PAQR9: variants seen among roughly 807,000 people sequenced by gnomAD.
PAQR9 encodes the protein progestin and adipoQ receptor family member 9, also known as membrane progestin receptor epsilon.
In PAQR9, 12 loss-of-function variants were observed where a neutral mutation model predicts 24.0. That is an observed-to-expected ratio of 0.50 (90% CI 0.32 to 0.81). PAQR9 has a LOEUF of 0.81. Among genes scored for constraint, PAQR9 ranks in the 30% least tolerant of loss-of-function variants. The pLI is 0.03. For missense variants in PAQR9, 418 were observed against 520.8 expected (o/e 0.80, Z 1.92); for synonymous variants, 266 against 237.6 (o/e 1.12, Z -1.10).
rs1459213070 is a variant in PAQR9 at position 142,963,339 on chromosome 3, T to C, written c.-3A>G. ...CGGGGCTGCAGGCGCCGCGGCATGG[T>C]GCCCGGGGCTCGGCTAGGGCGCGCG... On this transcript the variant is annotated 5_prime_UTR_variant, in exon 1 of 1. Transcript: ENST00000340634. The C allele has an allele frequency of 4.4e-5, 59 of 1,336,098 alleles. No individual in the cohort carries two copies. Among genetic ancestry groups the C allele is most frequent in the Non-Finnish European group, 5.1e-5 (54 of 1,049,874 alleles). 82.8% of individuals were successfully genotyped at this position (1,336,098 alleles called of 1,614,324 possible). A position where few individuals can be genotyped will look rare whatever the true frequency, so the allele number is the denominator to read the frequency against.
At chr3:142,952,790 C>G (rs1404619064), downstream of PAQR9, 2 of 456,726 alleles carry the variant, frequency 4.4e-6, no homozygotes, top group Admixed American at 4.7e-5. Context: ...GGAAAACTTA[C>G]CTGCCTTCTG....
In PAQR9 at chr3:142,961,191, TA is replaced by T. The variant is rs1934882905; in HGVS notation, c.*1011del. On this transcript the variant is annotated 3_prime_UTR_variant, in exon 1 of 1. Transcript: ENST00000340634. The stretch of plus-strand genomic sequence containing the variant: ...TCAGGTAAGAAAAGCTTATTCTTAC[TA>T]CTCTCCCCATGTAAGAAACTGTGTT... 6.6e-6 allele frequency: 1 copy of T among 152,660 alleles called. No homozygotes were observed. Among genetic ancestry groups the T allele is most frequent in the Non-Finnish European group, 1.5e-5 (1 of 68,048 alleles). 9.5% of individuals were successfully genotyped at this position (152,660 alleles called of 1,614,324 possible).
downstream of PAQR9, among the ~76,000 whole-genome samples, chr3:142,954,380 T>G (rs528900598): frequency 2.6e-5 from 4 of 152,384 alleles, no homozygotes; most frequent in East Asian, 7.7e-4. Context: ...TTTTAATTTA[T>G]CTAATATGAT....
upstream of PAQR9, chr3:142,963,689 G>A (rs1411708752): frequency 3.0e-6 from 2 of 657,606 alleles, no homozygotes; most frequent in Non-Finnish European, 3.8e-6. Context: ...ATCGCGCGGT[G>A]CGGGTGCCTC....
At chr3:142,950,587 GA>G (rs1290391016), downstream of PAQR9, 11 of 437,960 alleles carry the variant, frequency 2.5e-5, no homozygotes, top group Admixed American at 5.1e-5. Context: ...CTTAAGGTGG[GA>G]AAAAGGAACA....
downstream of PAQR9, among the ~76,000 whole-genome samples, chr3:142,953,116 T>A (rs1578077733): frequency 6.6e-6 from 1 of 152,168 alleles, no homozygotes; most frequent in African/African-American, 2.4e-5. Flanking sequence ...CAGGGGGTGA[T>A]GGCTGCCGTA....
downstream of PAQR9, chr3:142,952,802 T>C: frequency 2.2e-6 from 1 of 456,762 alleles, no homozygotes. Context: ...TGCCTTCTGC[T>C]GCTTTTTGTT....
At position 142,962,652 on chromosome 3, in the gene PAQR9, A is replaced by C; in HGVS notation, c.685T>G (p.Cys229Gly). The C allele has an allele frequency of 6.2e-7, 1 of 1,611,322 alleles. No individual in the cohort carries two copies. The highest frequency in any genetic ancestry group is 8.5e-7 in the Non-Finnish European group (1 of 1,178,986). The change falls in exon 1 of 1, where the codon TGC becomes GGC. Residue 229 changes from cysteine to glycine, a missense_variant. Around this residue, in one of 3 missense-constraint regions of PAQR9, gnomAD observed 230 missense variants for 305.2 expected, o/e 0.75. Transcript: ENST00000340634. Reference protein sequence around the residue: ...VLAVACTVACCKSRTDWCTYP... With the variant: ...VLAVACTVACGKSRTDWCTYP... The stretch of plus-strand genomic sequence containing the variant: ...GTACACCAGTCGGTACGGCTCTTGC[A>C]GCAGGCCACAGTGCAAGCCACCGCC...
exon 3 of PAQR9, chr3:142,949,398 C>T (rs1312401962): frequency 6.6e-6 from 1 of 152,208 alleles, no homozygotes; most frequent in African/African-American, 2.4e-5. Context: ...TCACTCAGGT[C>T]ATCCTGAAGT....
downstream of PAQR9, chr3:142,950,045 T>C (rs1448145222): frequency 6.6e-6 from 1 of 152,262 alleles, no homozygotes; most frequent in African/African-American, 2.4e-5. Flanking sequence ...CTAGCATTTA[T>C]GCTTGATTTT....
At position 142,962,729 on chromosome 3, in the gene PAQR9, G is replaced by A. The variant is rs1451275285; in HGVS notation, c.608C>T (p.Thr203Met). 1.2e-6 allele frequency: 2 copies of A among 1,612,502 alleles called. No homozygotes were observed. Among genetic ancestry groups the A allele is most frequent in the Non-Finnish European group, 1.7e-6 (2 of 1,179,670 alleles). ...GGCGCGGTAGGCGGCGATAAGGCGCGTGCAGTCCACGTGCCAGCCCAGGCG... is the reference window on the plus strand; with the variant it reads ...GGCGCGGTAGGCGGCGATAAGGCGCATGCAGTCCACGTGCCAGCCCAGGCG... The part of the protein sequence containing the change: ...QQRLGWHVDC[T>M]RLIAAYRALV... The change falls in exon 1 of 1, where the codon ACG becomes ATG. Residue 203 changes from threonine to methionine, a missense_variant. Around this residue, in one of 3 missense-constraint regions of PAQR9, gnomAD observed 230 missense variants for 305.2 expected, o/e 0.75. Transcript: ENST00000340634.
rs560163441 is a variant in PAQR9 at position 142,963,157 on chromosome 3, C to T, written c.180G>A (p.Leu60=). ...VPDDFVECFI[L]SGYRRLPCTA... ...TGCACGGCAGACGCCGGTAGCCCGACAGGATGAAGCACTCCACGAAGTCGT... is the reference window on the plus strand; with the variant it reads ...TGCACGGCAGACGCCGGTAGCCCGATAGGATGAAGCACTCCACGAAGTCGT... The change falls in exon 1 of 1, where the codon CTG becomes CTA. Residue 60 remains leucine (L), a synonymous_variant. Coordinates refer to ENST00000340634, the MANE Select transcript of PAQR9 (RefSeq NM_198504.4). 8.5e-4 allele frequency: 1,362 copies of T among 1,603,424 alleles called. 23 individuals are homozygous for T. In the South Asian group the frequency reaches 0.014, roughly 17 times the overall value.
In PAQR9 at chr3:142,963,576, G is replaced by A. The variant is rs1431168756; in HGVS notation, c.-240C>T. The A allele has an allele frequency of 4.3e-6, 4 of 936,108 alleles. No individual in the cohort carries two copies. Among genetic ancestry groups the A allele is most frequent in the African/African-American group, 1.8e-5 (1 of 55,920 alleles). The allele number at this position is 936,108 out of a possible 1,614,324, so 58.0% of individuals were successfully genotyped here. Reference sequence around the variant, plus strand: ...GAGCGCGGAGCGCGCGAGGCTCAGCGGCTTCCTCGCCAAGCCCCTGCTACC... The same window carrying A: ...GAGCGCGGAGCGCGCGAGGCTCAGCAGCTTCCTCGCCAAGCCCCTGCTACC... On this transcript the variant is annotated 5_prime_UTR_variant, in exon 1 of 1. Transcript: ENST00000340634.
downstream of PAQR9, chr3:142,951,522 G>A (rs1171993373): frequency 2.8e-6 from 1 of 356,336 alleles, no homozygotes; most frequent in Non-Finnish European, 5.5e-6. Context: ...TGATATATCA[G>A]TTTGGGGTCA....
Position 142,957,028 on chromosome 3 carries a change from T to C in PAQR9, c.*5175A>G, listed in dbSNP as rs1934800485. On this transcript the variant is annotated 3_prime_UTR_variant, in exon 1 of 1. Transcript: ENST00000340634. ...GGCTTGTTCGCTTTTTGTCAGGTGA[T>C]ATATGTCAGAGAATATTGACAATCC... 1.3e-5 allele frequency among the ~76,000 whole-genome samples: 2 copies of C among 152,240 alleles called. No homozygotes were observed. Among genetic ancestry groups the C allele is most frequent in the Non-Finnish European group, 2.9e-5 (2 of 68,042 alleles).
Position 142,963,004 on chromosome 3 carries a change from G to C in PAQR9, c.333C>G (p.Asp111Glu). 6.2e-7 allele frequency: 1 copy of C among 1,614,136 alleles called. No individual in the cohort carries two copies. The highest frequency in any genetic ancestry group is 8.5e-7 in the Non-Finnish European group (1 of 1,180,004). The part of the protein sequence containing the change: ...FCRLFFLSGG[D>E]VPFHHPWLLP... ...GCAGCCACGGGTGGTGGAAGGGCAC[G>C]TCGCCGCCGCTCAGGAAGAACAGAC... The change falls in exon 1 of 1, where the codon GAC (aspartate) becomes GAG (glutamate). Residue 111 changes from aspartate (D) to glutamate (E), a missense_variant. Around this residue, in one of 3 missense-constraint regions of PAQR9, gnomAD observed 180 missense variants for 190.3 expected, o/e 0.95. Coordinates refer to ENST00000340634, the MANE Select transcript of PAQR9 (RefSeq NM_198504.4).
In PAQR9 at chr3:142,959,751, A is replaced by C. The variant is rs1174112825; in HGVS notation, c.*2452T>G. On this transcript the variant is annotated 3_prime_UTR_variant, in exon 1 of 1. Coordinates refer to ENST00000340634, the MANE Select transcript of PAQR9 (RefSeq NM_198504.4). ...TGTGGACCTGGAAGAACAACAAAAA[A>C]TTAAAATGACAAATTTGGTGTTTTA... Among the ~76,000 whole-genome samples the C allele has an allele frequency of 6.6e-6, 1 of 152,254 alleles. No individual in the cohort carries two copies. Among genetic ancestry groups the C allele is most frequent in the Non-Finnish European group, 1.5e-5 (1 of 68,042 alleles).
chr3:142,950,015 T>C (rs1216612514), downstream of PAQR9: 1 of 152,290 alleles, frequency 6.6e-6, no homozygotes, highest in Non-Finnish European at 1.5e-5. Context: ...GCATTCTTCA[T>C]GTCACAATGT....
In PAQR9 at chr3:142,961,428, T is replaced by A. The variant is rs1432483138; in HGVS notation, c.*775A>T. 6.6e-6 allele frequency: 1 copy of A among 152,568 alleles called. No homozygotes were observed. Among genetic ancestry groups the A allele is most frequent in the Non-Finnish European group, 1.5e-5 (1 of 68,032 alleles). The allele number at this position is 152,568 out of a possible 1,614,324, so 9.5% of individuals were successfully genotyped here. A position where few individuals can be genotyped will look rare whatever the true frequency, so the allele number is the denominator to read the frequency against. On this transcript the variant is annotated 3_prime_UTR_variant, in exon 1 of 1. Coordinates refer to ENST00000340634, the MANE Select transcript of PAQR9 (RefSeq NM_198504.4). ...AATAGTTTAACCAGAGTCCCTAAGG[T>A]AGAATTCACAGTTGTATCATGACAC...
Sources: allele counts gnomAD v4.1 joint callset (sites outside exome capture counted in the v4.1 genomes callset), GRCh38; gene constraint gnomAD v4.1.1; regional missense constraint gnomAD v4.1.1; transcripts MANE v1.5; gene names NCBI Gene and HGNC (gene_info 2026-07-23, HGNC 2026-07-21).